The following PTPRN2 variants were observed in gnomAD, a reference collection of about 807,000 sequenced individuals.
PTPRN2 encodes the protein receptor-type tyrosine-protein phosphatase N2.
In PTPRN2, 74 loss-of-function variants were observed where a neutral mutation model predicts 118.8. The observed-to-expected ratio is 0.62, with a 90% CI of 0.52 to 0.76. PTPRN2 has a LOEUF of 0.76. Among genes scored for constraint, PTPRN2 ranks in the 30% least tolerant of loss-of-function variants. The pLI, the probability that PTPRN2 is intolerant of heterozygous loss-of-function variation, is 0.00. For missense variants in PTPRN2, 1,481 were observed against 1,394.4 expected (o/e 1.06, Z -0.99); for synonymous variants, 641 against 608.0 (o/e 1.05, Z -0.80).
chr7:157,627,944 A>G lies in PTPRN2; in HGVS notation c.2197-6435T>C, dbSNP rs777158696. 6.6e-6 allele frequency among the ~76,000 whole-genome samples: 1 copy of G among 152,224 alleles called. No homozygotes were observed. Among genetic ancestry groups the G allele is most frequent in the Non-Finnish European group, 1.5e-5 (1 of 68,042 alleles). On this transcript the variant is annotated intron_variant, in intron 14 of 22. Coordinates refer to ENST00000389418, the MANE Select transcript of PTPRN2 (RefSeq NM_002847.5). The surrounding 1 kb of genome is among the most constrained non-coding windows in gnomAD (Gnocchi z 4.2). ...CAGCGCTCACATAATCTACTTTGTTAGAGATATGAACTCAATCTAAGGTTT... is the reference window on the plus strand; with the variant it reads ...CAGCGCTCACATAATCTACTTTGTTGGAGATATGAACTCAATCTAAGGTTT...
At chr7:157,835,142 G>A (rs145063931) in intron 12 of PTPRN2, among the ~76,000 whole-genome samples, 48 of 152,324 alleles carry the variant, frequency 3.2e-4, no homozygotes, top group Admixed American at 8.5e-4. Context: ...AGGCCACAGC[G>A]TCCTGAGCCC....
intron 1 of PTPRN2, among the ~76,000 whole-genome samples, chr7:158,492,979 G>GC: frequency 6.6e-6 from 1 of 152,364 alleles, no homozygotes; most frequent in African/African-American, 2.4e-5. Flanking sequence ...AATCCACAAG[G>GC]AAAGCCAACA....
intron 6 of PTPRN2, among the ~76,000 whole-genome samples, chr7:158,146,880 G>A (rs1376467639): frequency 4.6e-5 from 7 of 151,940 alleles, no homozygotes; most frequent in Non-Finnish European, 1.5e-5. Context: ...CAGTTTACAG[G>A]GAAAATACAC....
chr7:157,691,892 C>T (rs1175475742), intron 12 of PTPRN2, among the ~76,000 whole-genome samples: 2 of 152,160 alleles, frequency 1.3e-5, no homozygotes, highest in Non-Finnish European at 2.9e-5. Flanking sequence ...TGCTCTCTCT[C>T]CCCAGGCCCT....
At chr7:157,743,995 G>A (rs1800781206) in intron 12 of PTPRN2, among the ~76,000 whole-genome samples, 1 of 152,228 alleles carries the variant, frequency 6.6e-6, no homozygotes, top group Non-Finnish European at 1.5e-5. Flanking sequence ...GTGACGGGGC[G>A]ATGCTGCTGC....
intron 6 of PTPRN2, among the ~76,000 whole-genome samples, chr7:158,162,642 A>ACTGCACGTCACCTGTTCTC (rs1554566800): frequency 4.0e-5 from 6 of 151,064 alleles, no homozygotes; most frequent in Non-Finnish European, 8.8e-5. Flanking sequence ...TTCACCGGCC[A>ACTGCACGTCACCTGTTCTC]CTGCACGTCA....
intron 3 of PTPRN2, among the ~76,000 whole-genome samples, chr7:158,311,084 C>T (rs1052019269): frequency 1.3e-5 from 2 of 152,146 alleles, no homozygotes; most frequent in African/African-American, 4.8e-5. Context: ...ACAAGACAGG[C>T]GAGCACAGGG....
intron 9 of PTPRN2, among the ~76,000 whole-genome samples, chr7:158,129,515 A>G (rs1158928243): frequency 2.6e-5 from 4 of 151,470 alleles, no homozygotes; most frequent in Non-Finnish European, 5.9e-5. Flanking sequence ...AACATACTAC[A>G]CACCACACAT....
rs537660026 is a variant in PTPRN2 at position 157,891,325 on chromosome 7, A to T, written c.1788+7348T>A. 2.6e-5 allele frequency among the ~76,000 whole-genome samples: 4 copies of T among 152,204 alleles called. No individual in the cohort carries two copies. The East Asian group carries it at 7.7e-4, about 29-fold the overall frequency. On this transcript the variant is annotated intron_variant, in intron 12 of 22. Transcript: ENST00000389418. ...ATGACAGGGTGGAAGTCAGGGGGAAATGAAGCTGGTTTCGAACACATCCGT... is the reference window on the plus strand; with the variant it reads ...ATGACAGGGTGGAAGTCAGGGGGAATTGAAGCTGGTTTCGAACACATCCGT...
Position 157,622,833 on chromosome 7 carries a change from G to A in PTPRN2, c.2197-1324C>T, listed in dbSNP as rs1185385160. Among the ~76,000 whole-genome samples the A allele has an allele frequency of 6.6e-6, 1 of 152,202 alleles. No individual in the cohort carries two copies. The highest frequency in any genetic ancestry group is 2.4e-5 in the African/African-American group (1 of 41,454). On this transcript the variant is annotated intron_variant, in intron 14 of 22. Transcript: ENST00000389418. The surrounding 1 kb of genome is among the most constrained non-coding windows in gnomAD (Gnocchi z 5.3). Reference sequence around the variant, plus strand: ...GCTTGAGCTAGTTGGGAAAAGCAGAGGGACTCCAGTGCCGTTGAGAAGCCG... The same window carrying A: ...GCTTGAGCTAGTTGGGAAAAGCAGAAGGACTCCAGTGCCGTTGAGAAGCCG...
At position 157,962,357 on chromosome 7, in the gene PTPRN2, G is replaced by T. The variant is rs927688600; in HGVS notation, c.1724-63620C>A. ...CCAGCGGGAGCGTTATTCCCCCAGCGGGAGCGTTATTCCCCTTCCCGTTTC... is the reference window on the plus strand; with the variant it reads ...CCAGCGGGAGCGTTATTCCCCCAGCTGGAGCGTTATTCCCCTTCCCGTTTC... On this transcript the variant is annotated intron_variant, in intron 11 of 22. Coordinates refer to ENST00000389418, the MANE Select transcript of PTPRN2 (RefSeq NM_002847.5). Among the ~76,000 whole-genome samples, 5 of 151,242 alleles carry T rather than the reference G, an allele frequency of 3.3e-5. No homozygotes were observed. In the East Asian group the frequency reaches 1.1e-3, roughly 32 times the overall value.
At chr7:157,698,282 A>G (rs1355168656) in intron 12 of PTPRN2, among the ~76,000 whole-genome samples, 1 of 152,252 alleles carries the variant, frequency 6.6e-6, no homozygotes. Flanking sequence ...AGAACAATGC[A>G]AGTCATTTTT....
intron 12 of PTPRN2, among the ~76,000 whole-genome samples, chr7:157,792,559 T>G (rs1368126998): frequency 1.3e-5 from 2 of 152,232 alleles, no homozygotes; most frequent in Admixed American, 1.3e-4. Flanking sequence ...GGGCATCTGC[T>G]AGTCGTCTTT....
chr7:157,919,179 T>C (rs1193843608), intron 11 of PTPRN2, among the ~76,000 whole-genome samples: 1 of 152,154 alleles, frequency 6.6e-6, no homozygotes, highest in Admixed American at 6.5e-5. Context: ...CGATCAGATA[T>C]TAAGCCTCAA....
intron 2 of PTPRN2, among the ~76,000 whole-genome samples, chr7:158,458,576 A>G (rs1818714331): frequency 6.6e-6 from 1 of 152,140 alleles, no homozygotes; most frequent in Non-Finnish European, 1.5e-5. Flanking sequence ...CGACCGCCGG[A>G]GCCCTGACAC....
intron 9 of PTPRN2, among the ~76,000 whole-genome samples, chr7:158,130,535 C>T (rs1407503621): frequency 6.6e-6 from 1 of 151,276 alleles, no homozygotes; most frequent in Non-Finnish European, 1.5e-5. Context: ...CACGTACATA[C>T]AGATACACAC....
chr7:158,326,388 G>A (rs992665600), intron 2 of PTPRN2, among the ~76,000 whole-genome samples: 1 of 152,234 alleles, frequency 6.6e-6, no homozygotes, highest in Non-Finnish European at 1.5e-5. Flanking sequence ...CAGTCGGCCA[G>A]TGTGAGGGGC....
At chr7:157,553,052 C>T (rs1798711258) in intron 21 of PTPRN2, among the ~76,000 whole-genome samples, 1 of 152,194 alleles carries the variant, frequency 6.6e-6, no homozygotes, top group Non-Finnish European at 1.5e-5. Flanking sequence ...GCGGCTTCTA[C>T]GGGGACCCCT....
intron 2 of PTPRN2, among the ~76,000 whole-genome samples, chr7:158,443,583 C>A (rs1391484924): frequency 6.6e-6 from 1 of 151,964 alleles, no homozygotes; most frequent in African/African-American, 2.4e-5. Flanking sequence ...CGACTCCTCC[C>A]AACAGGGGGA....
Sources: allele counts gnomAD v4.1 joint callset (sites outside exome capture counted in the v4.1 genomes callset), GRCh38; gene constraint gnomAD v4.1.1; non-coding constraint Gnocchi (gnomAD v3.1); transcripts MANE v1.5; gene names NCBI Gene and HGNC (gene_info 2026-07-23, HGNC 2026-07-21).